The following ARHGAP10 variants were observed in gnomAD, a reference collection of about 807,000 sequenced individuals.
ARHGAP10 encodes rho GTPase-activating protein 10.
Under a neutral mutation model 108.6 loss-of-function variants are expected in ARHGAP10, and 87 were observed. That is an observed-to-expected ratio of 0.80 (90% CI 0.67 to 0.96). ARHGAP10 has a LOEUF of 0.96. Ranked by LOEUF, ARHGAP10 falls within the 40% of genes least tolerant of loss-of-function variation. ARHGAP10 has a pLI of 0.00. For synonymous variants in ARHGAP10, 347 were observed against 341.1 expected (o/e 1.02, Z -0.19); for missense variants, 939 against 954.5 (o/e 0.98, Z 0.21).
Position 147,866,727 on chromosome 4 carries a change from C to T in ARHGAP10, c.613C>T (p.Gln205Ter). The stretch of plus-strand genomic sequence containing the variant: ...TGTGTCTTAGATGCTGTCATTTTTT[C>T]AGGGGATGTTTACCTTCTATCATCA... The part of the protein sequence containing the change: ...EFVEPMLSFF[Q>*]GMFTFYHQGH... Residue 205 changes from glutamine (Q) to a stop codon, truncating the protein, a stop_gained, in exon 7 of 23, where the codon CAG becomes TAG. Transcript: ENST00000336498. LOFTEE classifies it high-confidence loss of function. 1.9e-6 allele frequency: 3 copies of T among 1,611,110 alleles called. No homozygotes were observed. The highest frequency in any genetic ancestry group is 2.5e-6 in the Non-Finnish European group (3 of 1,178,838).
intron 10 of ARHGAP10, among the ~76,000 whole-genome samples, chr4:147,889,282 G>A (rs1432807267): frequency 6.6e-6 from 1 of 152,054 alleles, no homozygotes; most frequent in Admixed American, 6.5e-5. Context: ...GATGCAGTTT[G>A]TACAAGGTTC....
At chr4:147,747,463 A>C (rs1578995557) in intron 1 of ARHGAP10, among the ~76,000 whole-genome samples, 1 of 152,238 alleles carries the variant, frequency 6.6e-6, no homozygotes, top group Admixed American at 6.5e-5. Context: ...AAAGATACCC[A>C]TCAGTGGGTG....
intron 7 of ARHGAP10, among the ~76,000 whole-genome samples, chr4:147,868,745 T>G (rs1372251818): frequency 6.6e-6 from 1 of 152,096 alleles, no homozygotes; most frequent in Non-Finnish European, 1.5e-5. Flanking sequence ...AGGCATTAGA[T>G]TCTCATAAGG....
intron 12 of ARHGAP10, among the ~76,000 whole-genome samples, chr4:147,911,404 C>T (rs1288431168): frequency 6.6e-6 from 1 of 152,082 alleles, no homozygotes; most frequent in Non-Finnish European, 1.5e-5. Context: ...GCTCTGTCGC[C>T]CAGGCTGCAG....
At chr4:147,734,692 C>T (rs897644739) in intron 1 of ARHGAP10, among the ~76,000 whole-genome samples, 3 of 150,408 alleles carry the variant, frequency 2.0e-5, no homozygotes, top group Non-Finnish European at 4.4e-5. Flanking sequence ...CGTCCAACTT[C>T]CCCTGTCTAC....
chr4:147,846,847 G>C lies in ARHGAP10; in HGVS notation c.313-304G>C, dbSNP rs538590087. Among the ~76,000 whole-genome samples, 61 of 152,292 alleles carry C rather than the reference G, an allele frequency of 4.0e-4. 1 individual carries two copies. The South Asian group carries it at 0.012, about 29-fold the overall frequency. ...TCTCAAACAGAAGTGTTCTGTTAAT[G>C]AATGTGATAGACCCCTTTGTTGTTT... On this transcript the variant is annotated intron_variant, in intron 3 of 22. Transcript: ENST00000336498.
intron 19 of ARHGAP10, among the ~76,000 whole-genome samples, chr4:148,044,718 G>T (rs1390906107): frequency 6.6e-6 from 1 of 152,122 alleles, no homozygotes; most frequent in Non-Finnish European, 1.5e-5. Flanking sequence ...CGCGTCACTT[G>T]GGCTCTTTCA....
At chr4:148,048,080 C>T (rs1331595239) in intron 20 of ARHGAP10, among the ~76,000 whole-genome samples, 1 of 152,198 alleles carries the variant, frequency 6.6e-6, no homozygotes, top group Non-Finnish European at 1.5e-5. Flanking sequence ...GCCTTGGCCT[C>T]CCATAGTGCT....
In ARHGAP10 at chr4:148,063,159, C is replaced by A. The variant is rs1460509113; in HGVS notation, c.2039C>A (p.Thr680Asn). 1.2e-6 allele frequency: 2 copies of A among 1,614,068 alleles called. No individual in the cohort carries two copies. The highest frequency in any genetic ancestry group is 1.7e-6 in the Non-Finnish European group (2 of 1,180,044). The stretch of plus-strand genomic sequence containing the variant: ...ACTCCTACCCTTAGCCCAGGCCAGA[C>A]CCGATCGTCTATGGTCCAGTGGCTT... ...GDWASTIPGQ[T>N]RSSMVQWLNP... The change falls in exon 21 of 23, where the codon ACC becomes AAC. Residue 680 changes from threonine (T) to asparagine (N), a missense_variant. Thr to Asn is a moderately conservative substitution (Grantham distance 65). Transcript: ENST00000336498.
At chr4:147,869,953 A>G (rs1734734658) in intron 7 of ARHGAP10, among the ~76,000 whole-genome samples, 1 of 151,456 alleles carries the variant, frequency 6.6e-6, no homozygotes, top group African/African-American at 2.4e-5. Context: ...ATAAAGAGAA[A>G]ATGCTGGGTA....
intron 1 of ARHGAP10, among the ~76,000 whole-genome samples, chr4:147,788,971 C>T (rs1731005267): frequency 6.6e-6 from 1 of 152,182 alleles, no homozygotes; most frequent in Non-Finnish European, 1.5e-5. Context: ...ATGCCATAAA[C>T]TTATCCGGTT....
chr4:147,767,327 C>T (rs1683924284), intron 1 of ARHGAP10, among the ~76,000 whole-genome samples: 1 of 151,454 alleles, frequency 6.6e-6, no homozygotes, highest in African/African-American at 2.4e-5. Flanking sequence ...CTGGGTGAAA[C>T]ATAAGTGAAG....
chr4:147,863,844 A>G (rs1215756385), intron 5 of ARHGAP10: 2 of 152,168 alleles, frequency 1.3e-5, no homozygotes, highest in African/African-American at 4.8e-5. Flanking sequence ...TGCTTGTACC[A>G]TCTTGCATTC....
intron 1 of ARHGAP10, among the ~76,000 whole-genome samples, chr4:147,775,988 C>G (rs1200131182): frequency 6.6e-6 from 1 of 152,164 alleles, no homozygotes; most frequent in African/African-American, 2.4e-5. Context: ...GCACCGAGCA[C>G]AAAGCCCAGA....
intron 1 of ARHGAP10, among the ~76,000 whole-genome samples, chr4:147,766,836 A>ATTTATTTATT (rs1337174185): frequency 2.3e-5 from 1 of 43,636 alleles, no homozygotes; most frequent in African/African-American, 7.3e-5. Context: ...ATATATATAT[A>ATTTATTTATT]TATTTATTTA....
chr4:147,827,689 T>C (rs1732772165), intron 3 of ARHGAP10, among the ~76,000 whole-genome samples: 1 of 152,238 alleles, frequency 6.6e-6, no homozygotes, highest in Non-Finnish European at 1.5e-5. Context: ...TTAAAAGTTT[T>C]AGAAACCATC....
chr4:147,799,202 T>C (rs1466964823), intron 1 of ARHGAP10, among the ~76,000 whole-genome samples: 1 of 151,924 alleles, frequency 6.6e-6, no homozygotes, highest in African/African-American at 2.4e-5. Flanking sequence ...GCCTGGCTAA[T>C]TTTTGTATTT....
chr4:148,059,515 C>A (rs988362155), intron 20 of ARHGAP10, among the ~76,000 whole-genome samples: 14 of 75,916 alleles, frequency 1.8e-4, no homozygotes, highest in African/African-American at 4.7e-4. Context: ...GGAAAGGACT[C>A]TCAAAAATTT....
chr4:147,740,858 A>G (rs1259241938), intron 1 of ARHGAP10, among the ~76,000 whole-genome samples: 1 of 152,148 alleles, frequency 6.6e-6, no homozygotes, highest in South Asian at 2.1e-4. Context: ...CCCCAGCTTA[A>G]TGAAAGCATC....
Sources: gnomAD v4.1 joint callset for allele counts (sites outside exome capture counted in the v4.1 genomes callset) on GRCh38, gnomAD v4.1.1 for gene constraint, MANE v1.5 for transcripts, NCBI Gene and HGNC (gene_info 2026-07-23, HGNC 2026-07-21) for gene names.